Variants in MYO18A observed in about 807,000 individuals in gnomAD.
MYO18A encodes myosin XVIIIA.
A neutral mutation model predicts 235.8 loss-of-function variants in MYO18A; 78 were observed. The observed-to-expected ratio is 0.33, with a 90% CI of 0.28 to 0.40. The LOEUF is 0.40. Among genes scored for constraint, MYO18A ranks in the 10% least tolerant of loss-of-function variants. The pLI is 1.00. For synonymous variants in MYO18A, 977 were observed against 1,077.8 expected (o/e 0.91, Z 1.83); for missense variants, 2,215 against 2,699.3 (o/e 0.82, Z 3.98).
chr17:29,134,566 A>G (rs1329596940), intron 2 of MYO18A, among the ~76,000 whole-genome samples: 2 of 152,026 alleles, frequency 1.3e-5, no homozygotes, highest in Non-Finnish European at 2.9e-5. Context: ...CTTGTTGCCC[A>G]GGCTGGAGTA....
chr17:29,129,429 C>T (rs1412088527), intron 2 of MYO18A, among the ~76,000 whole-genome samples: 1 of 152,210 alleles, frequency 6.6e-6, no homozygotes, highest in Non-Finnish European at 1.5e-5. Flanking sequence ...CCCACCCTTC[C>T]CCCACACACT....
chr17:29,091,140 C>G (rs1181157070), intron 34 of MYO18A: 1 of 547,084 alleles, frequency 1.8e-6, no homozygotes, highest in African/African-American at 1.9e-5. Context: ...CAGGCAGACC[C>G]TGGGCCTCTG....
At chr17:29,088,764 A>G (rs2152746632) in intron 37 of MYO18A, among the ~76,000 whole-genome samples, 1 of 151,990 alleles carries the variant, frequency 6.6e-6, no homozygotes, top group African/African-American at 2.4e-5. Flanking sequence ...TTGGTCCAGC[A>G]TGGTGGCTCA....
intron 41 of MYO18A, chr17:29,079,975 G>C: frequency 2.0e-6 from 2 of 986,028 alleles, no homozygotes; most frequent in South Asian, 4.7e-5. Flanking sequence ...GCTCTTCCGA[G>C]AGCGCCCCTT....
chr17:29,091,129 AC>A, intron 34 of MYO18A: 1 of 569,142 alleles, frequency 1.8e-6, no homozygotes, highest in Non-Finnish European at 3.1e-6. Flanking sequence ...TGTGTGCAGT[AC>A]AGGCAGACCC....
intron 2 of MYO18A, chr17:29,124,752 C>A: frequency 2.5e-6 from 3 of 1,210,012 alleles, no homozygotes; most frequent in Non-Finnish European, 2.1e-6. Context: ...CACTGGCACG[C>A]CCCCTTCAGC....
chr17:29,119,886 T>C (rs908968796), intron 7 of MYO18A, among the ~76,000 whole-genome samples: 3 of 151,852 alleles, frequency 2.0e-5, no homozygotes, highest in South Asian at 2.1e-4. Context: ...TTTAAGTCTT[T>C]TTTTTTTAAG....
At chr17:29,099,243 A>T (rs1290241102) in intron 22 of MYO18A, among the ~76,000 whole-genome samples, 1 of 152,092 alleles carries the variant, frequency 6.6e-6, no homozygotes, top group Non-Finnish European at 1.5e-5. Context: ...TTGCTGCCTG[A>T]TTATTTCCAG....
chr17:29,080,656 G>A (rs1712792839), intron 41 of MYO18A: 1 of 985,604 alleles, frequency 1.0e-6, no homozygotes, highest in Non-Finnish European at 1.2e-6. Context: ...CGTGGCCGAG[G>A]AGGCCCGGCT....
At chr17:29,161,691 C>T (rs889464871) in intron 2 of MYO18A, among the ~76,000 whole-genome samples, 1 of 152,180 alleles carries the variant, frequency 6.6e-6, no homozygotes, top group African/African-American at 2.4e-5. Flanking sequence ...CTCCATTTGT[C>T]CTCCCCTAGA....
chr17:29,147,644 G>C (rs1366067023), intron 2 of MYO18A, among the ~76,000 whole-genome samples: 1 of 152,060 alleles, frequency 6.6e-6, no homozygotes, highest in African/African-American at 2.4e-5. Flanking sequence ...GCTCATACCT[G>C]TAATCCCAAA....
chr17:29,147,791 A>G (rs2067879070), intron 2 of MYO18A, among the ~76,000 whole-genome samples: 1 of 151,020 alleles, frequency 6.6e-6, no homozygotes, highest in African/African-American at 2.4e-5. Flanking sequence ...TAGCTACTTC[A>G]GAGGCTGAGG....
chr17:29,132,810 T>C (rs958264054), intron 2 of MYO18A, among the ~76,000 whole-genome samples: 1 of 151,996 alleles, frequency 6.6e-6, no homozygotes, highest in Non-Finnish European at 1.5e-5. Context: ...TCTTTAAGAA[T>C]TGGAATCGGA....
intron 15 of MYO18A, among the ~76,000 whole-genome samples, chr17:29,112,611 G>C (rs1797213369): frequency 6.6e-6 from 1 of 152,236 alleles, no homozygotes; most frequent in South Asian, 2.1e-4. Flanking sequence ...TCCCATGAAG[G>C]CCAAACAAAC....
chr17:29,074,292 A>C lies in MYO18A; in HGVS notation c.*478T>G. ...GATGGAGAGGTTGGGTATTTAAATTAAAAAGTAGAAAGACAGCAGGCACCA... is the reference window on the plus strand; with the variant it reads ...GATGGAGAGGTTGGGTATTTAAATTCAAAAGTAGAAAGACAGCAGGCACCA... On this transcript the variant is annotated 3_prime_UTR_variant, in exon 42 of 42. Transcript: ENST00000527372. This position sits in a 1 kb window ranked among gnomAD's most constrained non-coding sequence, Gnocchi z 4.4. The C allele has an allele frequency of 8.4e-7, 1 of 1,184,902 alleles. No individual in the cohort carries two copies. The highest frequency in any genetic ancestry group is 1.2e-6 in the Non-Finnish European group (1 of 852,370). The allele number at this position is 1,184,902 out of a possible 1,614,324, so 73.4% of individuals were successfully genotyped here.
intron 1 of MYO18A, among the ~76,000 whole-genome samples, chr17:29,176,275 T>C (rs549413069): frequency 7.9e-5 from 12 of 152,270 alleles, no homozygotes; most frequent in African/African-American, 2.4e-4. Flanking sequence ...ATTGCCTTCA[T>C]GTCTTGAAAA....
rs1265181154 is a variant in MYO18A, at chr17:29,086,318, G to A, written c.5852+120C>T. On this transcript the variant is annotated intron_variant, in intron 39 of 41. Coordinates refer to ENST00000527372, the MANE Select transcript of MYO18A (RefSeq NM_078471.4). Reference sequence around the variant, plus strand: ...GGGATCTGGCAGTAAAGGGAGGGTGGGTTGGCGGCTTGCTCATGGGGAGGC... The same window carrying A: ...GGGATCTGGCAGTAAAGGGAGGGTGAGTTGGCGGCTTGCTCATGGGGAGGC... 6 of 1,138,738 alleles carry A rather than the reference G, an allele frequency of 5.3e-6. No homozygotes were observed. In the Admixed American group the frequency reaches 6.5e-5, roughly 12 times the overall value. The allele number at this position is 1,138,738 out of a possible 1,614,324, so 70.5% of individuals were successfully genotyped here.
chr17:29,083,524 G>A (rs764426726), intron 40 of MYO18A, among the ~76,000 whole-genome samples: 54,038 of 139,022 alleles, frequency 0.39, 11,536 homozygotes, highest in East Asian at 0.84. Flanking sequence ...GCATGTGTGC[G>A]CGCGCGCGCA....
chr17:29,157,510 G>C (rs2068086468), intron 2 of MYO18A, among the ~76,000 whole-genome samples: 1 of 152,238 alleles, frequency 6.6e-6, no homozygotes, highest in Non-Finnish European at 1.5e-5. Context: ...CAGCAGACTA[G>C]TCAAGAGCTG....
Sources: allele counts gnomAD v4.1 joint callset (sites outside exome capture counted in the v4.1 genomes callset), GRCh38; gene constraint gnomAD v4.1.1; non-coding constraint Gnocchi (gnomAD v3.1); transcripts MANE v1.5; gene names NCBI Gene and HGNC (gene_info 2026-07-23, HGNC 2026-07-21).